Variants in GPHN observed in about 807,000 individuals in gnomAD.
The protein encoded by GPHN is gephyrin.
In GPHN, 17 loss-of-function variants were observed where a neutral mutation model predicts 95.5. The observed-to-expected ratio is 0.18, with a 90% CI of 0.12 to 0.27. The LOEUF is 0.27. GPHN is among the 10% of genes least tolerant of loss of function. GPHN has a pLI of 1.00. For synonymous variants in GPHN, 320 were observed against 322.5 expected (o/e 0.99, Z 0.08); for missense variants, 660 against 978.1 (o/e 0.67, Z 4.34).
intron 1 of GPHN, among the ~76,000 whole-genome samples, chr14:66,602,567 A>G (rs139086962): frequency 4.4e-4 from 67 of 152,108 alleles, no homozygotes; most frequent in African/African-American, 1.5e-3. Context: ...AAAGGATTCA[A>G]TTTTTCATCA....
At chr14:66,969,844 A>C (rs1418317951) in intron 9 of GPHN, 2 of 151,736 alleles carry the variant, frequency 1.3e-5, no homozygotes, top group Admixed American at 6.6e-5. Context: ...GAAATCAAGA[A>C]GCTTAAGGCA....
chr14:66,829,772 T>C (rs1404339556), intron 4 of GPHN, among the ~76,000 whole-genome samples: 6 of 152,152 alleles, frequency 3.9e-5, no homozygotes, highest in Admixed American at 1.3e-4. Flanking sequence ...TGTGAAGCTT[T>C]TGTTTTTAAT....
At chr14:67,594,010 G>A in the GPHN span, 4 of 1,109,072 alleles carry the variant, frequency 3.6e-6, no homozygotes, top group South Asian at 5.2e-5. Context: ...GTCAACTCCA[G>A]GCAATGAGGG....
intron 10 of GPHN, among the ~76,000 whole-genome samples, chr14:67,023,977 C>T (rs1363798371): frequency 6.6e-6 from 1 of 151,972 alleles, no homozygotes; most frequent in Non-Finnish European, 1.5e-5. Context: ...TATTTGAAAA[C>T]AAACTAACTG....
At chr14:66,935,063 G>T (rs1171530891) in intron 8 of GPHN, among the ~76,000 whole-genome samples, 1 of 152,120 alleles carries the variant, frequency 6.6e-6, no homozygotes, top group African/African-American at 2.4e-5. Flanking sequence ...AATAAATCCT[G>T]CTCCTCTGTA....
the GPHN span, chr14:67,323,853 A>C: frequency 9.7e-7 from 1 of 1,030,178 alleles, no homozygotes; most frequent in African/African-American, 1.7e-5. Flanking sequence ...TTGAAGGTAA[A>C]CATGAAACAG....
chr14:67,161,285 C>G (rs2081964043), intron 19 of GPHN, among the ~76,000 whole-genome samples: 2 of 151,580 alleles, frequency 1.3e-5, no homozygotes, highest in Non-Finnish European at 2.9e-5. Context: ...AGAGTGAGAC[C>G]TTGTCTCAAA....
At chr14:67,163,493 C>T (rs543398683) in intron 19 of GPHN, among the ~76,000 whole-genome samples, 11 of 151,548 alleles carry the variant, frequency 7.3e-5, no homozygotes, top group Non-Finnish European at 1.2e-4. Context: ...AATAAAAAAA[C>T]AGAAACAAGA....
chr14:67,724,400 T>C, the GPHN span: 1 of 1,043,964 alleles, frequency 9.6e-7, no homozygotes. Flanking sequence ...GAGTTTTTTT[T>C]TTTTTTTTTA....
At chr14:67,268,534 C>T in the GPHN span, among the ~76,000 whole-genome samples, 1 of 152,118 alleles carries the variant, frequency 6.6e-6, no homozygotes, top group African/African-American at 2.4e-5. Flanking sequence ...ATGAATTTTC[C>T]GGGGGAAAGG....
chr14:67,577,485 T>A, the GPHN span: 7 of 986,584 alleles, frequency 7.1e-6, no homozygotes, highest in Non-Finnish European at 1.1e-5. Context: ...GCCTGTGCAG[T>A]TGGGGACAAC....
chr14:66,740,481 C>G (rs1361564460), intron 2 of GPHN, among the ~76,000 whole-genome samples: 1 of 151,242 alleles, frequency 6.6e-6, no homozygotes, highest in African/African-American at 2.4e-5. Flanking sequence ...GATACAGGTA[C>G]TTTAAAATTT....
the GPHN span, among the ~76,000 whole-genome samples, chr14:67,693,852 C>T: frequency 0.037 from 5,597 of 152,020 alleles, 298 homozygotes; most frequent in African/African-American, 0.12. Context: ...GGTTTCACCA[C>T]GCTGGCCAGG....
At chr14:67,334,565 T>C in the GPHN span, 2 of 152,612 alleles carry the variant, frequency 1.3e-5, no homozygotes, top group African/African-American at 4.8e-5. Flanking sequence ...TGAACAAATG[T>C]AGACAGTTTA....
chr14:66,539,409 CTTTTT>C (rs1000117893), intron 1 of GPHN, among the ~76,000 whole-genome samples: 15 of 101,814 alleles, frequency 1.5e-4, no homozygotes, highest in African/African-American at 4.3e-4. Context: ...TTTCTACTTT[CTTTTT>C]TTTTTTTTTT....
chr14:67,403,379 CAG>C, the GPHN span, among the ~76,000 whole-genome samples: 1 of 152,182 alleles, frequency 6.6e-6, no homozygotes, highest in East Asian at 1.9e-4. Context: ...AGGTGGCAAA[CAG>C]AGTCAGCAGT....
chr14:67,466,920 G>A, the GPHN span, among the ~76,000 whole-genome samples: 7 of 151,278 alleles, frequency 4.6e-5, no homozygotes, highest in South Asian at 2.1e-4. Flanking sequence ...ACCTGAACCC[G>A]GGAGGTGGAG....
chr14:66,523,478 A>G (rs2139837643), intron 1 of GPHN, among the ~76,000 whole-genome samples: 1 of 152,250 alleles, frequency 6.6e-6, no homozygotes, highest in East Asian at 1.9e-4. Flanking sequence ...AATTTAAAAT[A>G]AAGCTGTTGT....
the GPHN span, among the ~76,000 whole-genome samples, chr14:67,347,167 T>G: frequency 2.0e-5 from 3 of 151,906 alleles, no homozygotes; most frequent in African/African-American, 7.3e-5. Context: ...ATATTTTTTG[T>G]AGAGATGGAG....
Sources: allele counts gnomAD v4.1 joint callset (sites outside exome capture counted in the v4.1 genomes callset), GRCh38; gene constraint gnomAD v4.1.1; transcripts MANE v1.5; gene names NCBI Gene and HGNC (gene_info 2026-07-23, HGNC 2026-07-21).